Variants in ZDHHC17 observed in about 807,000 individuals in gnomAD.
ZDHHC17 encodes zDHHC palmitoyltransferase 17, also known as palmitoyltransferase ZDHHC17.
ZDHHC17 carries 40 observed loss-of-function variants against 90.3 expected under a neutral mutation model. That is an observed-to-expected ratio of 0.44 (90% CI 0.34 to 0.58). The LOEUF is 0.58. Ranked by LOEUF, ZDHHC17 falls within the 20% of genes least tolerant of loss-of-function variation. The probability of loss-of-function intolerance (pLI) is 0.01; values close to 1 mark genes in which losing one functional copy is unlikely to be tolerated. For synonymous variants in ZDHHC17, 235 were observed against 252.4 expected (o/e 0.93, Z 0.65); for missense variants, 614 against 780.8 (o/e 0.79, Z 2.55).
At chr12:76,842,556 A>G (rs1023208539) in intron 11 of ZDHHC17, among the ~76,000 whole-genome samples, 1 of 152,218 alleles carries the variant, frequency 6.6e-6, no homozygotes, top group African/African-American at 2.4e-5. Context: ...AACCAATATT[A>G]TAATCTAACA....
chr12:76,850,744 T>C, intron 16 of ZDHHC17, 103 bp from the exon 17 acceptor site: 1 of 1,446,702 alleles, frequency 6.9e-7, no homozygotes, highest in Non-Finnish European at 9.3e-7. Flanking sequence ...CCTGAGTTTT[T>C]AAGTTTAGAA....
At chr12:76,802,664 T>C (rs1218635609) in intron 2 of ZDHHC17, among the ~76,000 whole-genome samples, 4 of 152,246 alleles carry the variant, frequency 2.6e-5, no homozygotes, top group Non-Finnish European at 5.9e-5. Flanking sequence ...TTGCTATTGC[T>C]TTGTCTTCAT....
Position 76,845,906 on chromosome 12 carries a change from G to A in ZDHHC17, c.1423+104G>A, listed in dbSNP as rs534337314. On this transcript the variant is annotated intron_variant, in intron 13 of 16. Coordinates refer to ENST00000426126, the MANE Select transcript of ZDHHC17 (RefSeq NM_015336.4). ...GGCAATAGAAAGTTTATTACTCCAC[G>A]CTTCATTTTCTCAGTTATCTTCTGG... The A allele has an allele frequency of 2.8e-5, 15 of 545,214 alleles. 1 individual carries two copies. In the South Asian group the frequency reaches 4.7e-4, roughly 17 times the overall value. 33.8% of individuals were successfully genotyped at this position (545,214 alleles called of 1,614,324 possible). A position where few individuals can be genotyped will look rare whatever the true frequency, so the allele number is the denominator to read the frequency against.
chr12:76,827,804 A>G (rs1378383928), intron 9 of ZDHHC17, among the ~76,000 whole-genome samples: 1 of 152,108 alleles, frequency 6.6e-6, no homozygotes, highest in Non-Finnish European at 1.5e-5. Flanking sequence ...ATAAATAGGA[A>G]GTCACTAAGA....
chr12:76,809,197 T>C (rs1207234732), intron 4 of ZDHHC17, 77 bp downstream of exon 4: 15 of 997,966 alleles, frequency 1.5e-5, no homozygotes, highest in South Asian at 2.1e-5. Flanking sequence ...AAAAATGATA[T>C]ACTAAAATGA....
intron 7 of ZDHHC17, 112 bp from the exon 8 acceptor site, chr12:76,822,294 C>T: frequency 7.2e-7 from 1 of 1,390,318 alleles, no homozygotes; most frequent in Non-Finnish European, 9.8e-7. Context: ...TACACAATGT[C>T]AAAACAACGT....
intron 2 of ZDHHC17, among the ~76,000 whole-genome samples, chr12:76,798,805 T>G (rs1008604417): frequency 1.3e-5 from 2 of 152,056 alleles, no homozygotes; most frequent in African/African-American, 4.8e-5. Context: ...GGAGGAGGTA[T>G]TGCACATTTC....
chr12:76,799,462 A>T (rs762977092), intron 2 of ZDHHC17, among the ~76,000 whole-genome samples: 3 of 152,194 alleles, frequency 2.0e-5, no homozygotes, highest in African/African-American at 4.8e-5. Context: ...TGTGATCTTT[A>T]TTACAACTTG....
intron 8 of ZDHHC17, among the ~76,000 whole-genome samples, chr12:76,822,771 G>C (rs967118959): frequency 1.3e-4 from 20 of 151,564 alleles, no homozygotes; most frequent in Admixed American, 1.1e-3. Context: ...GTTGGCCATG[G>C]TGACTTCAGA....
intron 1 of ZDHHC17, among the ~76,000 whole-genome samples, chr12:76,793,230 C>T (rs11115440): frequency 0.011 from 1,688 of 152,246 alleles, 11 homozygotes; most frequent in Non-Finnish European, 0.017. Context: ...TTGTTTAAGA[C>T]GGGAATGAGG....
chr12:76,821,035 G>C (rs1182204372), intron 7 of ZDHHC17: 1 of 1,266,816 alleles, frequency 7.9e-7, no homozygotes, highest in Non-Finnish European at 1.0e-6. Flanking sequence ...ATATTTTAAA[G>C]CTCCCTCAAT....
At chr12:76,828,330 A>G in intron 9 of ZDHHC17, 60 bp from the exon 10 acceptor site, 1 of 1,368,954 alleles carries the variant, frequency 7.3e-7, no homozygotes, top group Non-Finnish European at 1.0e-6. Context: ...TCATTTAAAT[A>G]AATACTCATT....
At chr12:76,818,725 T>G (rs544338673) in intron 7 of ZDHHC17, among the ~76,000 whole-genome samples, 18 of 152,178 alleles carry the variant, frequency 1.2e-4, no homozygotes, top group Admixed American at 3.9e-4. Context: ...GTGGCCAGAG[T>G]ACAGTGAGCA....
intron 3 of ZDHHC17, among the ~76,000 whole-genome samples, chr12:76,806,114 G>C (rs117732918): frequency 0.011 from 1,679 of 152,244 alleles, 11 homozygotes; most frequent in Non-Finnish European, 0.017. Context: ...TTTTGTTGTT[G>C]AGATGGGTTC....
intron 16 of ZDHHC17, among the ~76,000 whole-genome samples, chr12:76,850,617 A>G (rs538417743): frequency 6.6e-6 from 1 of 152,250 alleles, no homozygotes; most frequent in Non-Finnish European, 1.5e-5. Flanking sequence ...AATTTAAAAT[A>G]TAATTGTGTA....
At chr12:76,805,276 T>C (rs1952942158) in intron 2 of ZDHHC17, 41 bp from the exon 3 acceptor site, 1 of 1,496,674 alleles carries the variant, frequency 6.7e-7, no homozygotes. Context: ...TTTACATTTC[T>C]TGTTAAATAA....
intron 10 of ZDHHC17, among the ~76,000 whole-genome samples, chr12:76,829,480 A>G (rs1356412314): frequency 6.8e-6 from 1 of 146,754 alleles, no homozygotes; most frequent in Non-Finnish European, 1.5e-5. Flanking sequence ...AAAAAAAAAA[A>G]AAAAGAACTA....
At chr12:76,848,472 C>CT (rs1429071424) in intron 15 of ZDHHC17, 82 bp downstream of exon 15, 2 of 1,350,572 alleles carry the variant, frequency 1.5e-6, no homozygotes, top group African/African-American at 2.9e-5. Flanking sequence ...TATTCTCTTC[C>CT]TAACCACTCC....
intron 10 of ZDHHC17, among the ~76,000 whole-genome samples, chr12:76,839,115 C>A (rs1457213989): frequency 6.6e-6 from 1 of 152,138 alleles, no homozygotes; most frequent in Non-Finnish European, 1.5e-5. Flanking sequence ...GGATTAGGCT[C>A]CCACCCTTAT....
Sources: gnomAD v4.1 joint callset for allele counts (sites outside exome capture counted in the v4.1 genomes callset) on GRCh38, gnomAD v4.1.1 for gene constraint, MANE v1.5 for transcripts, NCBI Gene and HGNC (gene_info 2026-07-23, HGNC 2026-07-21) for gene names.